The following ILDR1 variants were observed in gnomAD, a reference collection of about 807,000 sequenced individuals.
ILDR1 encodes immunoglobulin-like domain-containing receptor 1.
A neutral mutation model predicts 62.4 loss-of-function variants in ILDR1; 56 were observed. The observed-to-expected ratio is 0.90, with a 90% confidence interval of 0.72 to 1.12. The LOEUF is 1.12. Ranked by LOEUF, ILDR1 falls within the 50% of genes most tolerant of loss-of-function variation. The pLI, the probability that ILDR1 is intolerant of heterozygous loss-of-function variation, is 0.00. For missense variants in ILDR1, 736 were observed against 710.6 expected, an observed-to-expected ratio of 1.04 and a Z score of -0.41; for synonymous variants, 284 against 277.8, an observed-to-expected ratio of 1.02 and a Z score of -0.22.
chr3:122,001,233 G>A, intron 5 of ILDR1, 75 bp downstream of exon 5: 1 of 1,522,130 alleles, frequency 6.6e-7, no homozygotes. Context: ...TCTTTGACCT[G>A]GCACTTGAAG....
At chr3:122,061,611 A>G in the ILDR1 span, among the ~76,000 whole-genome samples, 3 of 152,218 alleles carry the variant, frequency 2.0e-5, no homozygotes, top group Non-Finnish European at 2.9e-5. Flanking sequence ...TAAGAGAGTC[A>G]ACATCATTTG....
At chr3:122,041,299 T>A in the ILDR1 span, among the ~76,000 whole-genome samples, 4 of 152,198 alleles carry the variant, frequency 2.6e-5, no homozygotes, top group Non-Finnish European at 5.9e-5. Flanking sequence ...AGGAGTGGGT[T>A]TGTTATCACT....
chr3:122,025,495 T>G (rs2107685702), upstream of ILDR1, among the ~76,000 whole-genome samples: 1 of 152,300 alleles, frequency 6.6e-6, no homozygotes, highest in Admixed American at 6.5e-5. Flanking sequence ...CAGAACACAA[T>G]ACCCTTCACC....
chr3:122,058,599 G>A, the ILDR1 span, among the ~76,000 whole-genome samples: 2 of 152,134 alleles, frequency 1.3e-5, no homozygotes, highest in African/African-American at 4.8e-5. Context: ...TTTAAGTATA[G>A]CTTTGAGAAG....
Position 121,987,882 on chromosome 3 carries a change from G to A in ILDR1, c.*485C>T, listed in dbSNP as rs1024124235. On this transcript the variant is annotated 3_prime_UTR_variant, in exon 8 of 8. Transcript: ENST00000344209. The stretch of plus-strand genomic sequence containing the variant: ...CTAAAACTACAGTTGGTAATTCCTC[G>A]AACTCTAACTTTTTTGTTTTTTGGC... 1 of 258,432 alleles carries A rather than the reference G, an allele frequency of 3.9e-6. No individual in the cohort carries two copies. Among genetic ancestry groups the A allele is most frequent in the South Asian group, 4.6e-5 (1 of 21,874 alleles). 16.0% of individuals were successfully genotyped at this position (258,432 alleles called of 1,614,324 possible).
the ILDR1 span, among the ~76,000 whole-genome samples, chr3:122,036,194 T>C: frequency 6.6e-6 from 1 of 152,240 alleles, no homozygotes; most frequent in Non-Finnish European, 1.5e-5. Context: ...TGGAAGAAAC[T>C]TCTTAGTAGC....
chr3:121,997,321 T>A lies in ILDR1; in HGVS notation c.647-3008A>T, dbSNP rs188275150. ...TCCTCAGGTGTTTCCTAGAATCTGA[T>A]GCCCCTTTGAACTCTTGTCATTTTA... On this transcript the variant is annotated intron_variant, in intron 5 of 7. Coordinates refer to ENST00000344209, the MANE Select transcript of ILDR1 (RefSeq NM_001199799.2). Among the ~76,000 whole-genome samples the A allele has an allele frequency of 2.4e-3, 371 of 152,338 alleles. 2 individuals carry two copies. The highest frequency in any genetic ancestry group is 4.6e-3 in the Non-Finnish European group (313 of 68,020).
In ILDR1 at chr3:122,022,081, G is replaced by T. The variant is rs761442523; in HGVS notation, c.-4C>A. 20 of 1,604,352 alleles carry T rather than the reference G, an allele frequency of 1.2e-5. No homozygotes were observed. The Admixed American group carries it at 2.4e-4, about 19-fold the overall frequency. ...CGGGCAGTTTGGGCCATGCCATGCC[G>T]CCCCCTTTCTGGCCCTTTTCAGCTC... On this transcript the variant is annotated 5_prime_UTR_variant, in exon 1 of 8. Coordinates refer to ENST00000344209, the MANE Select transcript of ILDR1 (RefSeq NM_001199799.2).
At chr3:122,026,741 T>C (rs1004400265), upstream of ILDR1, among the ~76,000 whole-genome samples, 3 of 151,876 alleles carry the variant, frequency 2.0e-5, no homozygotes, top group Admixed American at 1.3e-4. Context: ...AAGCAGGAGG[T>C]GGTGGAAGCT....
intron 1 of ILDR1, among the ~76,000 whole-genome samples, chr3:122,012,562 G>A (rs937867921): frequency 6.6e-6 from 1 of 152,178 alleles, no homozygotes. Context: ...AGGGAATTTG[G>A]TTAGAGTCAG....
Position 122,022,120 on chromosome 3 carries a change from C to T in ILDR1, c.-43G>A, listed in dbSNP as rs2071866815. On this transcript the variant is annotated 5_prime_UTR_variant, in exon 1 of 8. Coordinates refer to ENST00000344209, the MANE Select transcript of ILDR1 (RefSeq NM_001199799.2). The stretch of plus-strand genomic sequence containing the variant: ...CCTTTTCAGCTCAGGGGCTTCGGGG[C>T]ACTGCGTCTTTCTTCCTCAGCTGCC... The T allele has an allele frequency of 1.3e-6, 2 of 1,543,476 alleles. No individual in the cohort carries two copies. The highest frequency in any genetic ancestry group is 4.7e-5 in the East Asian group (2 of 42,390).
intron 7 of ILDR1, among the ~76,000 whole-genome samples, chr3:121,991,667 G>A (rs879589233): frequency 1.3e-5 from 2 of 152,220 alleles, no homozygotes; most frequent in Admixed American, 1.3e-4. Flanking sequence ...GGACATCTGT[G>A]AGAAGATGAC....
chr3:122,029,448 A>G, the ILDR1 span, among the ~76,000 whole-genome samples: 3 of 151,432 alleles, frequency 2.0e-5, no homozygotes, highest in African/African-American at 7.3e-5. Context: ...CGGAGTTTGC[A>G]GTGAGCCGAG....
At chr3:121,990,004 T>A (rs188136135) in intron 7 of ILDR1, among the ~76,000 whole-genome samples, 2 of 152,368 alleles carry the variant, frequency 1.3e-5, no homozygotes, top group Admixed American at 1.3e-4. Context: ...CTGTAGCTGC[T>A]GAAAGCCTGC....
At chr3:122,013,349 A>T (rs1331564987) in intron 1 of ILDR1, among the ~76,000 whole-genome samples, 2 of 152,138 alleles carry the variant, frequency 1.3e-5, no homozygotes, top group African/African-American at 4.8e-5. Context: ...CTCCTTTCCT[A>T]TGAACAGGCC....
the ILDR1 span, among the ~76,000 whole-genome samples, chr3:122,028,301 A>G: frequency 1.4e-5 from 2 of 142,894 alleles, no homozygotes; most frequent in South Asian, 4.4e-4. Flanking sequence ...GCACCACTGC[A>G]CTCCAGCCTG....
chr3:121,994,267 A>G lies in ILDR1; in HGVS notation c.693T>C (p.Pro231=), dbSNP rs2107645831. The change falls in exon 6 of 8, where the codon CCT becomes CCC. Residue 231 remains proline, a synonymous_variant. Transcript: ENST00000344209. Reference sequence around the variant, plus strand: ...AGTACAGGGGTTTTCCCATCATCTGAGGACCTAGGGCCTGGGCCTGCTTCA... The same window carrying G: ...AGTACAGGGGTTTTCCCATCATCTGGGGACCTAGGGCCTGGGCCTGCTTCA... The part of the protein sequence containing the change: ...RYMKQAQALG[P]QMMGKPLYWG... The G allele has an allele frequency of 3.9e-6, 6 of 1,536,062 alleles. No individual in the cohort carries two copies. The highest frequency in any genetic ancestry group is 2.4e-5 in the East Asian group (1 of 40,912).
chr3:122,059,902 T>C, the ILDR1 span, among the ~76,000 whole-genome samples: 11 of 152,230 alleles, frequency 7.2e-5, no homozygotes, highest in South Asian at 2.3e-3. Flanking sequence ...AAGACGGCCA[T>C]CCACATACAA....
Position 121,988,318 on chromosome 3 carries a change from A to T in ILDR1, c.*49T>A. On this transcript the variant is annotated 3_prime_UTR_variant, in exon 8 of 8. Transcript: ENST00000344209. ...GCTGGAAACCTAGGTGATGCTGATG[A>T]CACACAGGAGCCGAGAAGTAGCCAC... 1 of 1,524,758 alleles carries T rather than the reference A, an allele frequency of 6.6e-7. No homozygotes were observed. Among genetic ancestry groups the T allele is most frequent in the Non-Finnish European group, 9.1e-7 (1 of 1,098,718 alleles). The allele number at this position is 1,524,758 out of a possible 1,614,324, so 94.5% of individuals were successfully genotyped here. A position where few individuals can be genotyped will look rare whatever the true frequency, so the allele number is the denominator to read the frequency against.
Sources: gnomAD v4.1 joint callset for allele counts (sites outside exome capture counted in the v4.1 genomes callset) on GRCh38, gnomAD v4.1.1 for gene constraint, MANE v1.5 for transcripts, NCBI Gene and HGNC (gene_info 2026-07-23, HGNC 2026-07-21) for gene names.